Variants in XPR1 observed in about 807,000 individuals in gnomAD.
The protein encoded by XPR1 is solute carrier family 53 member 1.
A neutral mutation model predicts 87.5 loss-of-function variants in XPR1; 28 were observed. The observed-to-expected ratio is 0.32, with a 90% CI of 0.24 to 0.44. XPR1 has a LOEUF of 0.44. XPR1 is among the 20% of genes least tolerant of loss of function. The pLI is 1.00. For missense variants in XPR1, 559 were observed against 862.3 expected (o/e 0.65, Z 4.41); for synonymous variants, 300 against 306.1 (o/e 0.98, Z 0.21).
intron 2 of XPR1, among the ~76,000 whole-genome samples, chr1:180,682,676 GT>G (rs1338089362): frequency 6.6e-6 from 1 of 151,990 alleles, no homozygotes; most frequent in Non-Finnish European, 1.5e-5. Context: ...TTAGTCAGAA[GT>G]TTTTCTGTGT....
At chr1:180,778,823 G>A (rs905082639) in intron 2 of XPR1, among the ~76,000 whole-genome samples, 1 of 152,162 alleles carries the variant, frequency 6.6e-6, no homozygotes, top group African/African-American at 2.4e-5. Context: ...CCTGGGAATT[G>A]CTATTTTAAA....
At chr1:180,853,598 A>T (rs929410180) in intron 11 of XPR1, among the ~76,000 whole-genome samples, 5 of 149,562 alleles carry the variant, frequency 3.3e-5, no homozygotes, top group Non-Finnish European at 7.4e-5. Flanking sequence ...AAAACTGGAC[A>T]GTTTGGGTAT....
chr1:180,800,032 TC>T (rs1649724335), intron 3 of XPR1, among the ~76,000 whole-genome samples: 1 of 152,214 alleles, frequency 6.6e-6, no homozygotes, highest in African/African-American at 2.4e-5. Flanking sequence ...AAGGAAAAGT[TC>T]CAGGAACTGT....
intron 2 of XPR1, among the ~76,000 whole-genome samples, chr1:180,785,964 GGAAAAA>G (rs1222658490): frequency 6.6e-6 from 1 of 150,966 alleles, no homozygotes; most frequent in Non-Finnish European, 1.5e-5. Context: ...AAAAAGCAAG[GGAAAAA>G]GAAAAAGAGA....
chr1:180,828,094 C>G (rs1439596192), intron 9 of XPR1, among the ~76,000 whole-genome samples: 4 of 151,948 alleles, frequency 2.6e-5, no homozygotes, highest in Non-Finnish European at 5.9e-5. Context: ...CCCAGCTGGT[C>G]TCGAATTCCT....
At chr1:180,762,390 C>T (rs1469735129) in intron 2 of XPR1, among the ~76,000 whole-genome samples, 2 of 152,158 alleles carry the variant, frequency 1.3e-5, no homozygotes, top group Admixed American at 1.3e-4. Flanking sequence ...ACGTTATGAA[C>T]AGAAGTTAAT....
intron 2 of XPR1, among the ~76,000 whole-genome samples, chr1:180,734,529 T>C (rs897617572): frequency 1.6e-4 from 25 of 152,146 alleles, no homozygotes; most frequent in Non-Finnish European, 5.9e-5. Flanking sequence ...CTGAGAGGCC[T>C]GATAGTTGGT....
chr1:180,806,287 G>C, intron 5 of XPR1, 76 bp downstream of exon 5: 2 of 1,565,880 alleles, frequency 1.3e-6, no homozygotes, highest in South Asian at 1.2e-5. Flanking sequence ...CCTTATTTCT[G>C]TTATTTTGTA....
At chr1:180,633,900 A>G (rs1403831587) in intron 1 of XPR1, among the ~76,000 whole-genome samples, 1 of 152,302 alleles carries the variant, frequency 6.6e-6, no homozygotes, top group African/African-American at 2.4e-5. Flanking sequence ...CACATCTTAT[A>G]TTTGTTATGT....
chr1:180,772,893 A>G (rs920958925), intron 2 of XPR1, among the ~76,000 whole-genome samples: 4 of 152,312 alleles, frequency 2.6e-5, no homozygotes, highest in African/African-American at 7.2e-5. Context: ...ATACATACAC[A>G]TATCTGTATT....
At chr1:180,825,908 G>A (rs1355086659) in intron 9 of XPR1, among the ~76,000 whole-genome samples, 1 of 152,152 alleles carries the variant, frequency 6.6e-6, no homozygotes, top group African/African-American at 2.4e-5. Flanking sequence ...AAATTAGCTG[G>A]GGGTGGTGGC....
chr1:180,723,925 T>G (rs1176005982), intron 2 of XPR1, among the ~76,000 whole-genome samples: 1 of 152,220 alleles, frequency 6.6e-6, no homozygotes, highest in Non-Finnish European at 1.5e-5. Context: ...TGCTTTTCAG[T>G]CTTTTCTGTT....
intron 9 of XPR1, among the ~76,000 whole-genome samples, chr1:180,832,186 A>C (rs1323330164): frequency 6.6e-6 from 1 of 152,140 alleles, no homozygotes. Context: ...TGGCTGCATA[A>C]ATGTCTTCTT....
rs562115737 is a variant in XPR1 at position 180,667,293 on chromosome 1, T to C, written c.70-15067T>C. Among the ~76,000 whole-genome samples the C allele has an allele frequency of 1.9e-3, 294 of 152,314 alleles. 1 individual carries two copies. The highest frequency in any genetic ancestry group is 6.0e-3 in the African/African-American group (251 of 41,566). ...TGAGGTAGTTTCTATACCTAGTCTT[T>C]TGAATTTTTTTTTAATCATGATTTT... On this transcript the variant is annotated intron_variant, in intron 1 of 14. Coordinates refer to ENST00000367590, the MANE Select transcript of XPR1 (RefSeq NM_004736.4).
chr1:180,846,421 G>GTT (rs1651687568), intron 11 of XPR1, among the ~76,000 whole-genome samples: 2 of 149,412 alleles, frequency 1.3e-5, no homozygotes, highest in African/African-American at 5.0e-5. Flanking sequence ...TTTCTTGTTT[G>GTT]TTTGTTTTTG....
intron 2 of XPR1, among the ~76,000 whole-genome samples, chr1:180,713,955 C>G (rs1657894505): frequency 6.6e-6 from 1 of 151,964 alleles, no homozygotes; most frequent in South Asian, 2.1e-4. Flanking sequence ...TGGTATTATT[C>G]TTTTTAACTG....
chr1:180,749,717 T>C (rs1647449229), intron 2 of XPR1, among the ~76,000 whole-genome samples: 1 of 150,686 alleles, frequency 6.6e-6, no homozygotes, highest in African/African-American at 2.4e-5. Context: ...TACTACTACA[T>C]CTAGCACAGA....
chr1:180,832,289 G>A (rs748207422), intron 9 of XPR1, among the ~76,000 whole-genome samples: 6 of 151,980 alleles, frequency 3.9e-5, no homozygotes, highest in Non-Finnish European at 7.4e-5. Context: ...CTGGATATTA[G>A]CCCTTCATCA....
intron 2 of XPR1, among the ~76,000 whole-genome samples, chr1:180,769,370 G>T (rs1409972745): frequency 6.9e-6 from 1 of 144,808 alleles, no homozygotes; most frequent in Non-Finnish European, 1.5e-5. Flanking sequence ...CTGTTTTTTT[G>T]TGTTTTTTTT....
Sources: gnomAD v4.1 joint callset for allele counts (sites outside exome capture counted in the v4.1 genomes callset) on GRCh38, gnomAD v4.1.1 for gene constraint, MANE v1.5 for transcripts, NCBI Gene and HGNC (gene_info 2026-07-23, HGNC 2026-07-21) for gene names.